Variants in CHMP2B observed in about 807,000 individuals in gnomAD.
CHMP2B encodes the protein VPS2 homolog B.
In CHMP2B, 22 loss-of-function variants were observed where a neutral mutation model predicts 29.8. The observed-to-expected ratio is 0.74, with a 90% confidence interval of 0.53 to 1.05. The LOEUF (loss-of-function observed/expected upper bound fraction) is 1.05, where lower values mean the gene tolerates loss of function less well. Among genes scored for constraint, CHMP2B ranks in the 50% least tolerant of loss-of-function variants. The pLI, the probability that CHMP2B is intolerant of heterozygous loss-of-function variation, is 0.00. For missense variants in CHMP2B, 261 were observed against 252.2 expected (o/e 1.03, Z -0.24); for synonymous variants, 78 against 75.8 (o/e 1.03, Z -0.15).
At position 87,255,039 on chromosome 3, in the gene CHMP2B, A is replaced by T. The variant is rs569413438; in HGVS notation, c.*1217A>T. ...CAGACTAGTTAGAATAGAATTTAGGATTAGGTTAGTTTTGAAAAATGATGT... is the reference window on the plus strand; with the variant it reads ...CAGACTAGTTAGAATAGAATTTAGGTTTAGGTTAGTTTTGAAAAATGATGT... On this transcript the variant is annotated 3_prime_UTR_variant, in exon 6 of 6. Coordinates refer to ENST00000263780, the MANE Select transcript of CHMP2B (RefSeq NM_014043.4). 6.6e-6 allele frequency: 1 copy of T among 152,114 alleles called. No individual in the cohort carries two copies. The highest frequency in any genetic ancestry group is 2.4e-5 in the African/African-American group (1 of 41,542). The allele number at this position is 152,114 out of a possible 1,614,324, so 9.4% of individuals were successfully genotyped here.
At position 87,233,005 on chromosome 3, in the gene CHMP2B, C is replaced by T. The variant is rs937393452; in HGVS notation, c.34+5449C>T. ...AGGAGAAAAAAATTATTTTTGCTACCGCATATGCTACTGTAGGGCTTGGCT... is the reference window on the plus strand; with the variant it reads ...AGGAGAAAAAAATTATTTTTGCTACTGCATATGCTACTGTAGGGCTTGGCT... On this transcript the variant is annotated intron_variant, in intron 1 of 5. Transcript: ENST00000263780. 7.2e-5 allele frequency among the ~76,000 whole-genome samples: 11 copies of T among 152,162 alleles called. No individual in the cohort carries two copies. In the East Asian group the frequency reaches 1.2e-3, roughly 16 times the overall value.
In CHMP2B at chr3:87,253,723, T is replaced by C. The variant is rs754600564; in HGVS notation, c.543T>C (p.Ala181=). ...ATTGTTTAATATAGATGGCCAAAGC[T>C]CCATCAGCTGCTCGAAGCTTACCAT... The part of the protein sequence containing the change: ...GIEISGKMAK[A]PSAARSLPSA... The change falls in exon 6 of 6, where the codon GCT becomes GCC. Residue 181 remains alanine, a synonymous_variant. Transcript: ENST00000263780. 1 of 1,612,172 alleles carries C rather than the reference T, an allele frequency of 6.2e-7. No individual in the cohort carries two copies. Among genetic ancestry groups the C allele is most frequent in the South Asian group, 1.1e-5 (1 of 91,056 alleles).
At chr3:87,246,137 C>A (rs1367083580) in intron 3 of CHMP2B, among the ~76,000 whole-genome samples, 1 of 150,444 alleles carries the variant, frequency 6.6e-6, no homozygotes, top group Admixed American at 6.6e-5. Context: ...CGTTTTCTTT[C>A]TTCTTTTCTT....
chr3:87,243,514 T>C (rs1224901367), intron 2 of CHMP2B, among the ~76,000 whole-genome samples: 2 of 152,072 alleles, frequency 1.3e-5, no homozygotes, highest in Non-Finnish European at 2.9e-5. Flanking sequence ...GCTGGCCCCA[T>C]AGCTTGAGTT....
intron 1 of CHMP2B, among the ~76,000 whole-genome samples, chr3:87,228,516 C>T (rs1349651778): frequency 6.6e-6 from 1 of 152,200 alleles, no homozygotes; most frequent in African/African-American, 2.4e-5. Flanking sequence ...GTGATTGGTA[C>T]AAATAGGGTG....
chr3:87,247,943 G>A (rs575445996), intron 3 of CHMP2B, among the ~76,000 whole-genome samples: 1 of 152,178 alleles, frequency 6.6e-6, no homozygotes, highest in South Asian at 2.1e-4. Flanking sequence ...AGAGTAGAAT[G>A]CATCCATTTT....
chr3:87,240,636 AT>A, intron 1 of CHMP2B, 62 bp from the exon 2 acceptor site: 1 of 1,117,290 alleles, frequency 9.0e-7, no homozygotes, highest in Non-Finnish European at 1.4e-6. Context: ...TGAATCCAGT[AT>A]TTTAAATGAT....
At chr3:87,243,204 T>C (rs973861081) in intron 2 of CHMP2B, among the ~76,000 whole-genome samples, 1 of 152,214 alleles carries the variant, frequency 6.6e-6, no homozygotes, top group African/African-American at 2.4e-5. Flanking sequence ...TCTTTTTTAG[T>C]CTGTCAATAC....
chr3:87,227,852 T>C (rs1705841910), intron 1 of CHMP2B, among the ~76,000 whole-genome samples: 1 of 152,190 alleles, frequency 6.6e-6, no homozygotes, highest in Non-Finnish European at 1.5e-5. Context: ...TGAGTGTCAA[T>C]AAACTTGGAA....
In CHMP2B at chr3:87,245,762, A is replaced by G. The variant is rs758486323; in HGVS notation, c.175A>G (p.Lys59Glu). Residue 59 changes from lysine to glutamate, a missense_variant, in exon 3 of 6, where the codon AAA becomes GAA. Transcript: ENST00000263780. ...CAAGATTGGTAATAAGGAAGCTTGC[A>G]AAGTTTTAGCCAAACAACTTGTGCA... ...MAKIGNKEAC[K>E]VLAKQLVHLR... 3.1e-5 allele frequency: 50 copies of G among 1,613,744 alleles called. No homozygotes were observed. The highest frequency in any genetic ancestry group is 2.7e-5 in the Non-Finnish European group (32 of 1,179,930).
chr3:87,230,508 G>A (rs1018077993), intron 1 of CHMP2B, among the ~76,000 whole-genome samples: 1 of 152,038 alleles, frequency 6.6e-6, no homozygotes, highest in Non-Finnish European at 1.5e-5. Flanking sequence ...TCAAGCACAT[G>A]GAATTCTCAA....
chr3:87,251,920 A>G (rs923991976), intron 4 of CHMP2B, among the ~76,000 whole-genome samples: 11 of 151,112 alleles, frequency 7.3e-5, no homozygotes, highest in African/African-American at 2.7e-4. Context: ...CATCTCCTGT[A>G]TTACTTTGCT....
intron 1 of CHMP2B, among the ~76,000 whole-genome samples, chr3:87,231,918 T>C (rs1705915142): frequency 6.6e-6 from 1 of 152,140 alleles, no homozygotes; most frequent in South Asian, 2.1e-4. Context: ...TCCTGCACTT[T>C]CAAAGTTGGA....
At chr3:87,228,671 C>G (rs1705856256) in intron 1 of CHMP2B, among the ~76,000 whole-genome samples, 1 of 152,184 alleles carries the variant, frequency 6.6e-6, no homozygotes, top group Admixed American at 6.5e-5. Flanking sequence ...TACTTTACCT[C>G]TAATTTATCA....
At chr3:87,250,310 T>C (rs1055661084) in intron 4 of CHMP2B, among the ~76,000 whole-genome samples, 2 of 152,004 alleles carry the variant, frequency 1.3e-5, no homozygotes, top group African/African-American at 2.4e-5. Flanking sequence ...GTAGAGGTAA[T>C]GGAGCTCTTT....
chr3:87,243,626 T>G (rs1706161386), intron 2 of CHMP2B, among the ~76,000 whole-genome samples: 1 of 152,190 alleles, frequency 6.6e-6, no homozygotes, highest in African/African-American at 2.4e-5. Context: ...AGTGAAGATT[T>G]TCTTTGTGGG....
chr3:87,234,421 C>G (rs2106894640), intron 1 of CHMP2B, among the ~76,000 whole-genome samples: 1 of 152,190 alleles, frequency 6.6e-6, no homozygotes, highest in African/African-American at 2.4e-5. Flanking sequence ...CTACTGTAGA[C>G]CTGTGTATTT....
chr3:87,250,057 C>A, intron 4 of CHMP2B, 80 bp downstream of exon 4: 1 of 829,196 alleles, frequency 1.2e-6, no homozygotes, highest in Admixed American at 2.4e-5. Flanking sequence ...CTCATATTCT[C>A]ATTCACGAAG....
chr3:87,247,243 T>G (rs1044998569), intron 3 of CHMP2B, among the ~76,000 whole-genome samples: 3 of 152,346 alleles, frequency 2.0e-5, no homozygotes, highest in African/African-American at 7.2e-5. Flanking sequence ...TAACTAACCT[T>G]GTGTTTCTGT....
Sources: gnomAD v4.1 joint callset for allele counts (sites outside exome capture counted in the v4.1 genomes callset) on GRCh38, gnomAD v4.1.1 for gene constraint, MANE v1.5 for transcripts, NCBI Gene and HGNC (gene_info 2026-07-23, HGNC 2026-07-21) for gene names.